Variants in HDAC9 observed in about 807,000 individuals in gnomAD.
HDAC9 encodes the protein MEF-2 interacting transcription repressor (MITR) protein.
A neutral mutation model predicts 139.4 loss-of-function variants in HDAC9; 41 were observed. The observed-to-expected ratio is 0.29, with a 90% CI of 0.23 to 0.38. The LOEUF (loss-of-function observed/expected upper bound fraction) is 0.38. HDAC9 is among the 10% of genes least tolerant of loss of function. The pLI, the probability that HDAC9 is intolerant of heterozygous loss-of-function variation, is 1.00. For missense variants in HDAC9, 1,147 were observed against 1,297.0 expected (o/e 0.88, Z 1.78); for synonymous variants, 517 against 476.2 (o/e 1.09, Z -1.12).
At chr7:18,263,548 T>G (rs1364128664) in intron 2 of HDAC9, among the ~76,000 whole-genome samples, 3 of 152,034 alleles carry the variant, frequency 2.0e-5, no homozygotes, top group Non-Finnish European at 4.4e-5. Context: ...GCATGACCTT[T>G]GGGAATTTAC....
intron 2 of HDAC9, among the ~76,000 whole-genome samples, chr7:18,189,950 T>C (rs1242563938): frequency 2.0e-5 from 3 of 150,398 alleles, no homozygotes; most frequent in Non-Finnish European, 4.5e-5. Flanking sequence ...TGTGTGTGTG[T>C]ACGTTTGAGA....
At chr7:18,467,240 A>AC (rs1794356093) in intron 1 of HDAC9, among the ~76,000 whole-genome samples, 2 of 152,196 alleles carry the variant, frequency 1.3e-5, no homozygotes, top group African/African-American at 4.8e-5. Flanking sequence ...TCAGTTATAC[A>AC]GACCAGAAAT....
intron 2 of HDAC9, among the ~76,000 whole-genome samples, chr7:18,526,374 A>C (rs983813758): frequency 6.6e-6 from 1 of 152,224 alleles, no homozygotes; most frequent in Non-Finnish European, 1.5e-5. Flanking sequence ...TAAAGATAGC[A>C]AAATACTAAA....
At chr7:18,169,451 GT>G (rs940620524) in intron 2 of HDAC9, among the ~76,000 whole-genome samples, 15 of 149,916 alleles carry the variant, frequency 1.0e-4, no homozygotes, top group Middle Eastern at 3.4e-3. Context: ...TGATACATCA[GT>G]TTTTTTTTCT....
At chr7:18,509,549 T>A in intron 2 of HDAC9, 1 of 657,026 alleles carries the variant, frequency 1.5e-6, no homozygotes, top group Non-Finnish European at 1.9e-6. Context: ...CTTGTTTATC[T>A]GTTTTTGTTG....
At chr7:18,466,885 C>A (rs1001473070) in intron 1 of HDAC9, among the ~76,000 whole-genome samples, 5 of 152,152 alleles carry the variant, frequency 3.3e-5, no homozygotes, top group African/African-American at 9.7e-5. Context: ...TTCAGGGAAA[C>A]CTTATTCTTC....
chr7:18,234,657 G>A lies in HDAC9; in HGVS notation c.25+72308G>A, dbSNP rs117700608. 2.7e-4 allele frequency among the ~76,000 whole-genome samples: 41 copies of A among 152,326 alleles called. No homozygotes were observed. The East Asian group carries it at 7.9e-3, about 29-fold the overall frequency. ...ACCAAGTCTGTGTACTCCAGAGCCT[G>A]GCTCTTAACCAGCATGTCCTATTGT... On this transcript the variant is annotated intron_variant, in intron 2 of 12. Transcript: ENST00000417496.
intron 3 of HDAC9, among the ~76,000 whole-genome samples, chr7:18,586,095 G>T (rs1829393754): frequency 6.6e-6 from 1 of 152,108 alleles, no homozygotes; most frequent in African/African-American, 2.4e-5. Flanking sequence ...TGTTTTTATA[G>T]ACTGTAGATA....
chr7:18,454,795 G>A (rs1793196625), intron 1 of HDAC9, among the ~76,000 whole-genome samples: 1 of 151,862 alleles, frequency 6.6e-6, no homozygotes, highest in Admixed American at 6.6e-5. Context: ...TTATTTAACT[G>A]TTTTGTTGTT....
At chr7:18,488,386 A>G (rs1242590736) in intron 1 of HDAC9, among the ~76,000 whole-genome samples, 1 of 152,066 alleles carries the variant, frequency 6.6e-6, no homozygotes, top group Non-Finnish European at 1.5e-5. Flanking sequence ...TAGTACATAT[A>G]CTAATGCAAA....
intron 12 of HDAC9, among the ~76,000 whole-genome samples, chr7:18,698,903 C>T (rs1308986733): frequency 6.6e-6 from 1 of 152,228 alleles, no homozygotes; most frequent in Non-Finnish European, 1.5e-5. Context: ...GGTACACTGT[C>T]ATGTTCTAAG....
intron 12 of HDAC9, among the ~76,000 whole-genome samples, chr7:18,716,412 T>C (rs1279249638): frequency 6.6e-6 from 1 of 152,232 alleles, no homozygotes; most frequent in African/African-American, 2.4e-5. Context: ...TGTTATTTAT[T>C]TAATTTCAAA....
chr7:18,515,507 T>C (rs1489537288), intron 2 of HDAC9, among the ~76,000 whole-genome samples: 1 of 152,220 alleles, frequency 6.6e-6, no homozygotes, highest in African/African-American at 2.4e-5. Flanking sequence ...GGTAGAGTTC[T>C]AGATACATTG....
chr7:18,275,584 C>T (rs543562507), intron 2 of HDAC9, among the ~76,000 whole-genome samples: 6 of 152,316 alleles, frequency 3.9e-5, no homozygotes, highest in Non-Finnish European at 7.3e-5. Context: ...CTCTCCCCTT[C>T]GTTGAATTGC....
chr7:18,849,107 T>G (rs1320840194), intron 21 of HDAC9, among the ~76,000 whole-genome samples: 1 of 152,208 alleles, frequency 6.6e-6, no homozygotes, highest in Non-Finnish European at 1.5e-5. Context: ...CCATCGCTAA[T>G]TCAGTAAACA....
intron 6 of HDAC9, among the ~76,000 whole-genome samples, chr7:18,621,221 T>C (rs1389218502): frequency 6.6e-6 from 1 of 151,732 alleles, no homozygotes; most frequent in Non-Finnish European, 1.5e-5. Flanking sequence ...AATATATTAT[T>C]AAATGAACAA....
At chr7:18,100,260 A>C (rs1782762079) in intron 1 of HDAC9, among the ~76,000 whole-genome samples, 1 of 151,814 alleles carries the variant, frequency 6.6e-6, no homozygotes, top group Admixed American at 6.6e-5. Flanking sequence ...GAACAATTTG[A>C]TTTTAATGTA....
chr7:18,640,434 C>T (rs1785233203), intron 8 of HDAC9, among the ~76,000 whole-genome samples: 1 of 144,772 alleles, frequency 6.9e-6, no homozygotes, highest in Admixed American at 7.0e-5. Context: ...AGCATTCTGT[C>T]AAGGGCTATC....
At position 18,695,285 on chromosome 7, in the gene HDAC9, G is replaced by T. The variant is rs114633998; in HGVS notation, c.1731+28809G>T. Among the ~76,000 whole-genome samples, 872 of 152,230 alleles carry T rather than the reference G, an allele frequency of 5.7e-3. 10 individuals are homozygous for T. Among genetic ancestry groups the T allele is most frequent in the African/African-American group, 0.02 (835 of 41,558 alleles). On this transcript the variant is annotated intron_variant, in intron 12 of 25. Coordinates refer to ENST00000686413, the MANE Select transcript of HDAC9 (RefSeq NM_178425.4). ...TGTTATGTCTATTCAGGGACTCTTT[G>T]GGGGAGGGAACACGAGATAATGCTC...
Sources: allele counts gnomAD v4.1 joint callset (sites outside exome capture counted in the v4.1 genomes callset), GRCh38; gene constraint gnomAD v4.1.1; transcripts MANE v1.5; gene names NCBI Gene and HGNC (gene_info 2026-07-23, HGNC 2026-07-21).